SMG6: variants seen among roughly 807,000 people sequenced by gnomAD.
SMG6 encodes SMG6 nonsense mediated mRNA decay factor.
In SMG6, 66 loss-of-function variants were observed where a neutral mutation model predicts 142.2. The observed-to-expected ratio is 0.46, with a 90% confidence interval of 0.38 to 0.57. The LOEUF is 0.57. SMG6 is among the 20% of genes least tolerant of loss of function. The pLI, the probability that SMG6 is intolerant of heterozygous loss-of-function variation, is 0.00. For synonymous variants in SMG6, 779 were observed against 702.4 expected, an observed-to-expected ratio of 1.11 and a Z score of -1.72; for missense variants, 1,793 against 1,832.0, an observed-to-expected ratio of 0.98 and a Z score of 0.39.
chr17:2,203,984 G>C (rs1034269840), intron 10 of SMG6, among the ~76,000 whole-genome samples: 6 of 151,936 alleles, frequency 3.9e-5, no homozygotes, highest in African/African-American at 9.7e-5. Context: ...TTTTTTAAGA[G>C]ATGGGGTCTT....
chr17:2,103,341 T>C (rs2069063991), intron 13 of SMG6, among the ~76,000 whole-genome samples: 2 of 152,114 alleles, frequency 1.3e-5, no homozygotes, highest in African/African-American at 2.4e-5. Flanking sequence ...GAACTAACAG[T>C]GAGAGGCTAG....
At chr17:2,121,609 G>C (rs1272434773) in intron 13 of SMG6, among the ~76,000 whole-genome samples, 11 of 62,812 alleles carry the variant, frequency 1.8e-4, no homozygotes, top group Non-Finnish European at 3.0e-4. Flanking sequence ...GTGTGTGTGT[G>C]TGTGTGTGTG....
intron 11 of SMG6, 79 bp downstream of exon 11, chr17:2,188,320 A>T: frequency 8.5e-7 from 1 of 1,177,064 alleles, no homozygotes; most frequent in South Asian, 1.3e-5. Flanking sequence ...AGACACCGAG[A>T]AAACAGCATG....
chr17:2,264,112 G>A (rs2074373030), intron 8 of SMG6, among the ~76,000 whole-genome samples: 1 of 151,872 alleles, frequency 6.6e-6, no homozygotes, highest in Non-Finnish European at 1.5e-5. Context: ...CCTTCCTATA[G>A]CAGCTGCAGA....
chr17:2,081,435 C>G (rs141951808), intron 15 of SMG6, among the ~76,000 whole-genome samples: 1 of 152,122 alleles, frequency 6.6e-6, no homozygotes, highest in Admixed American at 6.5e-5. Context: ...TGGGAACAGG[C>G]GTTCTGAAGT....
intron 10 of SMG6, among the ~76,000 whole-genome samples, chr17:2,221,454 C>G (rs577432865): frequency 1.3e-5 from 2 of 152,332 alleles, no homozygotes; most frequent in Admixed American, 1.3e-4. Flanking sequence ...GTTTCCTGTA[C>G]AGCCTGTGGA....
At chr17:2,156,489 C>A (rs1453060626) in intron 13 of SMG6, among the ~76,000 whole-genome samples, 1 of 144,958 alleles carries the variant, frequency 6.9e-6, no homozygotes, top group Non-Finnish European at 1.5e-5. Context: ...AAATTAGCAT[C>A]TTTTCTTCTG....
intron 8 of SMG6, among the ~76,000 whole-genome samples, chr17:2,254,164 C>T (rs1395699750): frequency 6.6e-6 from 1 of 152,202 alleles, no homozygotes; most frequent in Admixed American, 6.5e-5. Context: ...TCATCTCTCT[C>T]ATGCCTGGGA....
intron 11 of SMG6, among the ~76,000 whole-genome samples, chr17:2,187,257 G>A (rs1336227723): frequency 6.6e-6 from 1 of 152,164 alleles, no homozygotes; most frequent in Non-Finnish European, 1.5e-5. Context: ...GGACATGTAG[G>A]ACAAAGAAAG....
chr17:2,212,342 AAG>A (rs1453537578), intron 10 of SMG6, among the ~76,000 whole-genome samples: 1 of 152,200 alleles, frequency 6.6e-6, no homozygotes, highest in Non-Finnish European at 1.5e-5. Flanking sequence ...AGGAAAAAGA[AAG>A]GGGATCTGGG....
In SMG6 at chr17:2,090,805, C is replaced by T. The variant is rs193015488; in HGVS notation, c.3358-4904G>A. On this transcript the variant is annotated intron_variant, in intron 13 of 18. Coordinates refer to ENST00000263073, the MANE Select transcript of SMG6 (RefSeq NM_017575.5). ...GTTTCTCTAAATGGAGCCAATTATT[C>T]TCACATTTGTTGAAACCTTCAATCA... Among the ~76,000 whole-genome samples the T allele has an allele frequency of 7.0e-4, 106 of 152,328 alleles. No individual in the cohort carries two copies. In the Middle Eastern group the frequency reaches 0.01, roughly 15 times the overall value.
rs1180451708 is a variant in SMG6, at chr17:2,085,748, C to T, written c.3511G>A (p.Glu1171Lys). Residue 1171 changes from glutamate to lysine, a missense_variant, in exon 14 of 19, where the codon GAG becomes AAG. Transcript: ENST00000263073. This position sits in a 1 kb window ranked among gnomAD's most constrained non-coding sequence, Gnocchi z 4.1. ...ACCTCATCTTCCAGTCGTGTTCCCT[C>T]TTGGCTTCCCATTTCCTTTCCCATG... ...DTMGKEMGSQ[E>K]GTRLEDEEED... 4.3e-6 allele frequency: 7 copies of T among 1,613,930 alleles called. No homozygotes were observed. The highest frequency in any genetic ancestry group is 5.9e-6 in the Non-Finnish European group (7 of 1,180,004).
chr17:2,066,264 G>A (rs980976659), intron 16 of SMG6, among the ~76,000 whole-genome samples: 7 of 151,774 alleles, frequency 4.6e-5, no homozygotes, highest in Non-Finnish European at 7.4e-5. Context: ...GTGCGCGCAC[G>A]TGTATGTCTG....
At chr17:2,265,944 T>G (rs1195032616) in intron 8 of SMG6, 1 of 968,946 alleles carries the variant, frequency 1.0e-6, no homozygotes, top group Non-Finnish European at 1.2e-6. Context: ...TAAGAACTGG[T>G]GCATGTGTTG....
At chr17:2,244,815 T>C (rs2073893037) in intron 8 of SMG6, 96 bp from the exon 9 acceptor site, 2 of 1,038,428 alleles carry the variant, frequency 1.9e-6, no homozygotes, top group Non-Finnish European at 3.0e-6. Flanking sequence ...CTGGCCAGGG[T>C]CTAAGGGGTG....
intron 13 of SMG6, 94 bp downstream of exon 13, chr17:2,172,564 T>C (rs770110587): frequency 7.6e-5 from 99 of 1,306,172 alleles, no homozygotes; most frequent in Non-Finnish European, 1.0e-4. Flanking sequence ...GACTTAATCA[T>C]GTTCCATTTG....
intron 13 of SMG6, among the ~76,000 whole-genome samples, chr17:2,109,303 A>G (rs1200767500): frequency 6.6e-6 from 1 of 151,974 alleles, no homozygotes; most frequent in Non-Finnish European, 1.5e-5. Context: ...TTGCTTTGTC[A>G]CCCAGGCTGG....
At chr17:2,224,404 T>G (rs1416160548) in intron 10 of SMG6, among the ~76,000 whole-genome samples, 7 of 152,038 alleles carry the variant, frequency 4.6e-5, no homozygotes, top group Non-Finnish European at 7.4e-5. Flanking sequence ...ATAAAGAAAG[T>G]CAAAGCAGAT....
At chr17:2,199,241 C>T (rs768054880) in intron 10 of SMG6, among the ~76,000 whole-genome samples, 3 of 152,182 alleles carry the variant, frequency 2.0e-5, no homozygotes, top group African/African-American at 4.8e-5. Flanking sequence ...GAGGAAAAAG[C>T]GGCTTCAAAC....
Sources: gnomAD v4.1 joint callset for allele counts (sites outside exome capture counted in the v4.1 genomes callset) on GRCh38, gnomAD v4.1.1 for gene constraint, Gnocchi (gnomAD v3.1) non-coding constraint, MANE v1.5 for transcripts, NCBI Gene and HGNC (gene_info 2026-07-23, HGNC 2026-07-21) for gene names.